TMEM163: variants seen among roughly 807,000 people sequenced by gnomAD.
TMEM163 encodes transmembrane protein 163.
In TMEM163, 17 loss-of-function variants were observed where a neutral mutation model predicts 29.3. The ratio of observed to expected loss-of-function variants is 0.58; its 90% CI spans 0.40 to 0.87. The LOEUF (loss-of-function observed/expected upper bound fraction) is 0.87. Among genes scored for constraint, TMEM163 ranks in the 40% least tolerant of loss-of-function variants. The probability of loss-of-function intolerance (pLI) is 0.00; values close to 1 mark genes in which losing one functional copy is unlikely to be tolerated. For missense variants in TMEM163, 303 were observed against 381.5 expected (o/e 0.79, Z 1.71); for synonymous variants, 157 against 160.6 (o/e 0.98, Z 0.17).
intron 5 of TMEM163, among the ~76,000 whole-genome samples, chr2:134,495,763 C>T (rs1002792698): frequency 6.6e-6 from 1 of 152,228 alleles, no homozygotes; most frequent in Non-Finnish European, 1.5e-5. Flanking sequence ...CCAAAACAGA[C>T]TATTTTTTCC....
At chr2:134,493,635 G>C (rs566780068) in intron 5 of TMEM163, among the ~76,000 whole-genome samples, 1 of 152,288 alleles carries the variant, frequency 6.6e-6, no homozygotes, top group African/African-American at 2.4e-5. Context: ...GCCTCCCGAA[G>C]TGCTGGGATT....
rs141681665 is a variant in TMEM163, at chr2:134,485,537, G to T, written c.555+17364C>A. 3.6e-3 allele frequency among the ~76,000 whole-genome samples: 549 copies of T among 152,260 alleles called. 4 individuals are homozygous for T. The highest frequency in any genetic ancestry group is 0.012 in the African/African-American group (506 of 41,538). ...GCCCAACCAGCAAGAAGGGTAGGCG[G>T]GGGTTCTCAGGTACAAGCTGAAGCT... On this transcript the variant is annotated intron_variant, in intron 5 of 7. Transcript: ENST00000281924.
rs997200607 is a variant in TMEM163 at position 134,460,941 on chromosome 2, G to A, written c.668-2768C>T. 1.3e-5 allele frequency among the ~76,000 whole-genome samples: 2 copies of A among 152,236 alleles called. No homozygotes were observed. Among genetic ancestry groups the A allele is most frequent in the African/African-American group, 4.8e-5 (2 of 41,472 alleles). On this transcript the variant is annotated intron_variant, in intron 6 of 7. Coordinates refer to ENST00000281924, the MANE Select transcript of TMEM163 (RefSeq NM_030923.5). This position sits in a 1 kb window ranked among gnomAD's most constrained non-coding sequence, Gnocchi z 4.3. ...GACTCATTTCAGCTTCACTTCTTGA[G>A]AGTCTGCCTGAGGATGCTGGATCAA...
intron 2 of TMEM163, among the ~76,000 whole-genome samples, chr2:134,663,106 G>C (rs1683793053): frequency 6.6e-6 from 1 of 152,100 alleles, no homozygotes; most frequent in African/African-American, 2.4e-5. Context: ...TTCACCCTGT[G>C]GCCAGAAGAA....
intron 2 of TMEM163, among the ~76,000 whole-genome samples, chr2:134,634,221 C>G (rs1273091708): frequency 5.3e-5 from 8 of 151,688 alleles, no homozygotes; most frequent in Non-Finnish European, 1.2e-4. Flanking sequence ...TTTGATGAGG[C>G]AGTAGCACAG....
At chr2:134,609,865 C>T (rs893551328) in intron 2 of TMEM163, among the ~76,000 whole-genome samples, 2 of 150,538 alleles carry the variant, frequency 1.3e-5, no homozygotes, top group African/African-American at 4.9e-5. Context: ...GGACAGATCC[C>T]GAGAACTGTA....
intron 2 of TMEM163, among the ~76,000 whole-genome samples, chr2:134,581,567 C>CA (rs1264682147): frequency 6.6e-6 from 1 of 152,170 alleles, no homozygotes; most frequent in Non-Finnish European, 1.5e-5. Flanking sequence ...GCCCTTCCCC[C>CA]AAACAAACCA....
At chr2:134,604,566 G>A (rs1682309577) in intron 2 of TMEM163, among the ~76,000 whole-genome samples, 1 of 151,674 alleles carries the variant, frequency 6.6e-6, no homozygotes, top group Non-Finnish European at 1.5e-5. Flanking sequence ...GGAGAGAGGA[G>A]AAGAGGGGTG....
chr2:134,621,440 G>C (rs1333508886), intron 2 of TMEM163, among the ~76,000 whole-genome samples: 1 of 152,164 alleles, frequency 6.6e-6, no homozygotes, highest in African/African-American at 2.4e-5. Context: ...TTAAATGTAA[G>C]ACTTACCCTT....
intron 5 of TMEM163, among the ~76,000 whole-genome samples, chr2:134,488,842 A>G (rs1169702749): frequency 6.6e-6 from 1 of 152,214 alleles, no homozygotes; most frequent in Non-Finnish European, 1.5e-5. Context: ...ATAAAAGAGG[A>G]AACATAAAAA....
At chr2:134,600,163 CAT>C (rs899128893) in intron 2 of TMEM163, among the ~76,000 whole-genome samples, 3 of 152,172 alleles carry the variant, frequency 2.0e-5, no homozygotes, top group African/African-American at 7.2e-5. Flanking sequence ...ATGAAAATAA[CAT>C]ACAACTGTGA....
chr2:134,541,926 T>C (rs941022774), intron 4 of TMEM163, among the ~76,000 whole-genome samples: 1 of 152,198 alleles, frequency 6.6e-6, no homozygotes, highest in African/African-American at 2.4e-5. Flanking sequence ...ACAATAAACA[T>C]ATATTACTTT....
chr2:134,457,097 A>G (rs776094183), intron 7 of TMEM163, among the ~76,000 whole-genome samples: 1 of 152,120 alleles, frequency 6.6e-6, no homozygotes, highest in African/African-American at 2.4e-5. Flanking sequence ...TTTGAGGTCC[A>G]TCTATGTTGG....
intron 2 of TMEM163, among the ~76,000 whole-genome samples, chr2:134,592,814 A>C (rs2104803319): frequency 6.6e-6 from 1 of 151,122 alleles, no homozygotes; most frequent in South Asian, 2.1e-4. Flanking sequence ...TAGATAGACT[A>C]TCTCTCCCTG....
chr2:134,547,273 C>G (rs888402832), intron 4 of TMEM163, among the ~76,000 whole-genome samples: 1 of 152,144 alleles, frequency 6.6e-6, no homozygotes, highest in African/African-American at 2.4e-5. Flanking sequence ...GCTAGGTACG[C>G]TCTGGTGGTG....
At chr2:134,516,874 A>C (rs770486177) in intron 4 of TMEM163, among the ~76,000 whole-genome samples, 2 of 151,270 alleles carry the variant, frequency 1.3e-5, no homozygotes. Context: ...CAAGACTAAA[A>C]TGCTACTCTA....
At chr2:134,552,880 G>T (rs774982985) in intron 2 of TMEM163, among the ~76,000 whole-genome samples, 2 of 151,692 alleles carry the variant, frequency 1.3e-5, no homozygotes, top group East Asian at 3.9e-4. Context: ...GGCTAGTTTC[G>T]AACTCCTGAT....
At chr2:134,612,639 T>C (rs145489558) in intron 2 of TMEM163, among the ~76,000 whole-genome samples, 51 of 150,898 alleles carry the variant, frequency 3.4e-4, no homozygotes, top group African/African-American at 1.2e-3. Flanking sequence ...CTCTGACTAA[T>C]CACTAGTGGA....
intron 4 of TMEM163, among the ~76,000 whole-genome samples, chr2:134,518,902 A>G (rs770722978): frequency 3.9e-5 from 6 of 152,174 alleles, no homozygotes; most frequent in Non-Finnish European, 5.9e-5. Flanking sequence ...CAGTTATAGT[A>G]TATTATACTG....
Sources: gnomAD v4.1 joint callset for allele counts (sites outside exome capture counted in the v4.1 genomes callset) on GRCh38, gnomAD v4.1.1 for gene constraint, Gnocchi (gnomAD v3.1) non-coding constraint, MANE v1.5 for transcripts, NCBI Gene and HGNC (gene_info 2026-07-23, HGNC 2026-07-21) for gene names.